Variants in CTNND2 observed in about 807,000 individuals in gnomAD.
The protein encoded by CTNND2 is catenin delta 2, also known as catenin delta-2.
A neutral mutation model predicts 144.4 loss-of-function variants in CTNND2; 22 were observed. That is an observed-to-expected ratio of 0.15 (90% CI 0.11 to 0.22). The LOEUF (loss-of-function observed/expected upper bound fraction) is 0.22. CTNND2 is among the 10% of genes least tolerant of loss of function. CTNND2 has a pLI of 1.00. For missense variants in CTNND2, 1,353 were observed against 1,618.8 expected (o/e 0.84, Z 2.82); for synonymous variants, 751 against 695.6 (o/e 1.08, Z -1.25).
intron 2 of CTNND2, among the ~76,000 whole-genome samples, chr5:11,692,758 T>C (rs1420699120): frequency 6.6e-6 from 1 of 152,206 alleles, no homozygotes; most frequent in Non-Finnish European, 1.5e-5. Flanking sequence ...GCTGCCGCCA[T>C]GCCTGGCTAA....
intron 16 of CTNND2, among the ~76,000 whole-genome samples, chr5:11,069,306 G>A (rs944618121): frequency 6.6e-6 from 1 of 152,126 alleles, no homozygotes; most frequent in African/African-American, 2.4e-5. Context: ...TGTAAATAGG[G>A]CAAAAATAAA....
At chr5:11,761,072 T>A (rs1398270207) in intron 1 of CTNND2, among the ~76,000 whole-genome samples, 2 of 152,192 alleles carry the variant, frequency 1.3e-5, no homozygotes, top group Non-Finnish European at 1.5e-5. Flanking sequence ...CTACTGGTAC[T>A]TGATGATGTC....
At chr5:11,505,034 T>G (rs928566388) in intron 3 of CTNND2, among the ~76,000 whole-genome samples, 1 of 152,084 alleles carries the variant, frequency 6.6e-6, no homozygotes, top group Admixed American at 6.5e-5. Context: ...GCTAATCTCC[T>G]GCCTGGAGGC....
rs113633768 is a variant in CTNND2 at position 11,187,090 on chromosome 5, A to G, written c.1975+12358T>C. Among the ~76,000 whole-genome samples, 281 of 152,344 alleles carry G rather than the reference A, an allele frequency of 1.8e-3. 1 individual carries two copies. Among genetic ancestry groups the G allele is most frequent in the African/African-American group, 6.3e-3 (260 of 41,586 alleles). On this transcript the variant is annotated intron_variant, in intron 11 of 21. Transcript: ENST00000304623. ...AACAATAAGAATGTAAAACACAGGAAATAATGTGACATATTGGCTCTAGAG... is the reference window on the plus strand; with the variant it reads ...AACAATAAGAATGTAAAACACAGGAGATAATGTGACATATTGGCTCTAGAG...
chr5:11,328,362 G>A (rs1001087437), intron 9 of CTNND2, among the ~76,000 whole-genome samples: 2 of 150,048 alleles, frequency 1.3e-5, no homozygotes, highest in Middle Eastern at 3.2e-3. Flanking sequence ...GTGCCATCAC[G>A]GCTCACTGCT....
At chr5:11,311,701 C>G (rs540019261) in intron 9 of CTNND2, among the ~76,000 whole-genome samples, 1 of 144,246 alleles carries the variant, frequency 6.9e-6, no homozygotes, top group Non-Finnish European at 1.5e-5. Flanking sequence ...TCTCCATGCA[C>G]CCTCACCACA....
chr5:11,281,289 G>A (rs1747085065), intron 9 of CTNND2, among the ~76,000 whole-genome samples: 3 of 152,238 alleles, frequency 2.0e-5, no homozygotes, highest in Admixed American at 1.3e-4. Context: ...ATGGCTTGGG[G>A]GAGCTACGTT....
intron 1 of CTNND2, among the ~76,000 whole-genome samples, chr5:11,868,240 T>C (rs950817761): frequency 6.6e-6 from 1 of 152,120 alleles, no homozygotes; most frequent in Non-Finnish European, 1.5e-5. Flanking sequence ...GACTCCTGCC[T>C]CTGCTCTGTC....
chr5:11,236,473 T>C (rs1397379209), intron 10 of CTNND2, among the ~76,000 whole-genome samples: 2 of 152,210 alleles, frequency 1.3e-5, no homozygotes, highest in Non-Finnish European at 2.9e-5. Context: ...ACACTATTGG[T>C]CCTCTGTTCC....
chr5:11,712,121 G>A (rs1283571473), intron 2 of CTNND2, among the ~76,000 whole-genome samples: 1 of 152,114 alleles, frequency 6.6e-6, no homozygotes, highest in Non-Finnish European at 1.5e-5. Flanking sequence ...GTAGCATAAG[G>A]TCAAGTCAAA....
At chr5:11,480,642 A>ATGTGTGTGTGTG (rs1491158593) in intron 3 of CTNND2, among the ~76,000 whole-genome samples, 2 of 80,466 alleles carry the variant, frequency 2.5e-5, no homozygotes, top group East Asian at 2.4e-4. Context: ...TTGAAAATAC[A>ATGTGTGTGTGTG]TATATGTGTG....
At chr5:11,023,833 C>T (rs1425432233) in intron 16 of CTNND2, among the ~76,000 whole-genome samples, 1 of 152,210 alleles carries the variant, frequency 6.6e-6, no homozygotes, top group African/African-American at 2.4e-5. Flanking sequence ...GCACTTTAGG[C>T]ATTACCAATA....
At chr5:11,254,427 G>A (rs560081050) in intron 9 of CTNND2, among the ~76,000 whole-genome samples, 50 of 94,578 alleles carry the variant, frequency 5.3e-4, no homozygotes, top group Middle Eastern at 7.4e-3. Flanking sequence ...TTAATCATAG[G>A]TAGAGCAAAG....
intron 2 of CTNND2, among the ~76,000 whole-genome samples, chr5:11,668,689 A>G (rs951778739): frequency 6.6e-6 from 1 of 152,200 alleles, no homozygotes; most frequent in Non-Finnish European, 1.5e-5. Flanking sequence ...TTTTCTAAAT[A>G]TACAATCATG....
intron 2 of CTNND2, among the ~76,000 whole-genome samples, chr5:11,567,935 T>C (rs1293894957): frequency 6.6e-6 from 1 of 152,216 alleles, no homozygotes; most frequent in East Asian, 1.9e-4. Flanking sequence ...AGCTCTTTTA[T>C]GAAGCACATT....
chr5:11,139,346 G>A (rs189222705), intron 12 of CTNND2, among the ~76,000 whole-genome samples: 8 of 152,338 alleles, frequency 5.3e-5, no homozygotes, highest in African/African-American at 1.9e-4. Context: ...CATACTGCGT[G>A]TTAGAGTTCA....
At chr5:11,131,175 C>T (rs901339198) in intron 12 of CTNND2, among the ~76,000 whole-genome samples, 1 of 152,134 alleles carries the variant, frequency 6.6e-6, no homozygotes, top group Non-Finnish European at 1.5e-5. Context: ...TATGACAAGT[C>T]ACAGAACCTA....
At chr5:11,414,534 G>A (rs1353889057) in intron 3 of CTNND2, among the ~76,000 whole-genome samples, 1 of 152,118 alleles carries the variant, frequency 6.6e-6, no homozygotes, top group Non-Finnish European at 1.5e-5. Flanking sequence ...TGAAAAACTT[G>A]GCCAAACAGC....
intron 3 of CTNND2, among the ~76,000 whole-genome samples, chr5:11,563,743 A>AG (rs1219646520): frequency 2.6e-5 from 4 of 151,846 alleles, no homozygotes; most frequent in Non-Finnish European, 5.9e-5. Flanking sequence ...TTCTATTTAA[A>AG]GAAAAAAAAA....
Sources: gnomAD v4.1 joint callset for allele counts (sites outside exome capture counted in the v4.1 genomes callset) on GRCh38, gnomAD v4.1.1 for gene constraint, MANE v1.5 for transcripts, NCBI Gene and HGNC (gene_info 2026-07-23, HGNC 2026-07-21) for gene names.